The following SUGCT variants were observed in gnomAD, a reference collection of about 807,000 sequenced individuals.
SUGCT encodes succinyl-CoA:glutarate-CoA transferase.
In SUGCT, 41 loss-of-function variants were observed where a neutral mutation model predicts 55.0. The observed-to-expected ratio is 0.74, with a 90% CI of 0.58 to 0.97. SUGCT has a LOEUF of 0.97. Among genes scored for constraint, SUGCT ranks in the 50% least tolerant of loss-of-function variants. The pLI is 0.00. For synonymous variants in SUGCT, 187 were observed against 200.4 expected (o/e 0.93, Z 0.56); for missense variants, 568 against 547.8 (o/e 1.04, Z -0.37).
chr7:40,950,287 G>A, the SUGCT span, among the ~76,000 whole-genome samples: 1 of 152,130 alleles, frequency 6.6e-6, no homozygotes, highest in Admixed American at 6.6e-5. Flanking sequence ...GAATGCTTGT[G>A]ATTTTTGCAC....
chr7:40,267,034 A>C (rs1791628322), intron 7 of SUGCT, among the ~76,000 whole-genome samples: 1 of 116,400 alleles, frequency 8.6e-6, no homozygotes, highest in East Asian at 2.8e-4. Flanking sequence ...AAAAACAAAC[A>C]AACAAAAAAA....
chr7:40,409,891 A>G (rs989307800), intron 9 of SUGCT, among the ~76,000 whole-genome samples: 6 of 152,148 alleles, frequency 3.9e-5, no homozygotes, highest in Non-Finnish European at 7.3e-5. Flanking sequence ...TGATCTGTTC[A>G]TCATAGTTGA....
chr7:40,874,651 A>G, the SUGCT span, among the ~76,000 whole-genome samples: 1 of 152,156 alleles, frequency 6.6e-6, no homozygotes, highest in African/African-American at 2.4e-5. Context: ...TTCTCTGTAT[A>G]ACATATTCTC....
intron 12 of SUGCT, among the ~76,000 whole-genome samples, chr7:40,689,153 C>T (rs915620068): frequency 6.6e-6 from 1 of 152,148 alleles, no homozygotes; most frequent in East Asian, 1.9e-4. Context: ...CAAACCACTA[C>T]GTGTTCCAAT....
At chr7:40,826,920 C>T (rs1792342182) in intron 13 of SUGCT, among the ~76,000 whole-genome samples, 1 of 152,176 alleles carries the variant, frequency 6.6e-6, no homozygotes, top group Non-Finnish European at 1.5e-5. Flanking sequence ...TAACTGAGAA[C>T]TTGGCCAAGA....
chr7:40,640,714 G>A (rs1800233010), intron 12 of SUGCT, among the ~76,000 whole-genome samples: 2 of 152,156 alleles, frequency 1.3e-5, no homozygotes, highest in South Asian at 4.1e-4. Flanking sequence ...TTCTCATCAA[G>A]TAGTACCGAA....
At chr7:40,343,351 A>G (rs1177940003) in intron 9 of SUGCT, among the ~76,000 whole-genome samples, 1 of 152,188 alleles carries the variant, frequency 6.6e-6, no homozygotes, top group African/African-American at 2.4e-5. Flanking sequence ...ACCTCATAGC[A>G]TGTGCTGGCC....
Position 40,480,688 on chromosome 7 carries a change from A to G in SUGCT, c.987-15596A>G, listed in dbSNP as rs371788957. ...GTATCTTCTTTAATATTCTACATTA[A>G]TGTTGTATAATTTTTAGTGTACACG... On this transcript the variant is annotated intron_variant, in intron 11 of 13. Transcript: ENST00000335693. 1.0e-3 allele frequency among the ~76,000 whole-genome samples: 159 copies of G among 152,144 alleles called. 1 individual carries two copies. The highest frequency in any genetic ancestry group is 3.6e-3 in the African/African-American group (151 of 41,512).
intron 6 of SUGCT, among the ~76,000 whole-genome samples, chr7:40,230,411 GC>G (rs1448792774): frequency 1.3e-5 from 2 of 152,120 alleles, no homozygotes; most frequent in African/African-American, 4.8e-5. Context: ...TATCCTACAG[GC>G]AATTTCGTAA....
At chr7:40,930,975 A>G in the SUGCT span, among the ~76,000 whole-genome samples, 1 of 152,192 alleles carries the variant, frequency 6.6e-6, no homozygotes, top group Non-Finnish European at 1.5e-5. Flanking sequence ...AGGAGTGGTG[A>G]GAGAGGGCAT....
chr7:40,342,759 C>T (rs1268328836), intron 9 of SUGCT, among the ~76,000 whole-genome samples: 1 of 152,108 alleles, frequency 6.6e-6, no homozygotes, highest in Admixed American at 6.6e-5. Flanking sequence ...TATCCTGCCT[C>T]AGCCTCCCAA....
chr7:40,472,347 A>G lies in SUGCT; in HGVS notation c.986+13149A>G, dbSNP rs545227320. Among the ~76,000 whole-genome samples the G allele has an allele frequency of 3.7e-3, 557 of 152,286 alleles. 4 individuals carry two copies. Among genetic ancestry groups the G allele is most frequent in the African/African-American group, 0.013 (535 of 41,588 alleles). On this transcript the variant is annotated intron_variant, in intron 11 of 13. Coordinates refer to ENST00000335693, the MANE Select transcript of SUGCT (RefSeq NM_001193313.2). ...TTGGAATATTCTGTATTCACTAAAA[A>G]TTAAATTTGCCACAGATCTTTTTTA...
intron 7 of SUGCT, among the ~76,000 whole-genome samples, chr7:40,272,177 T>C (rs1304884088): frequency 0.013 from 804 of 61,902 alleles, 70 homozygotes; most frequent in African/African-American, 0.065. Flanking sequence ...TATATATATA[T>C]ATATATATAT....
the SUGCT span, among the ~76,000 whole-genome samples, chr7:40,931,515 A>G: frequency 6.6e-6 from 1 of 152,128 alleles, no homozygotes; most frequent in African/African-American, 2.4e-5. Context: ...TCCTCTTTGT[A>G]GTTTTGCTAG....
intron 8 of SUGCT, among the ~76,000 whole-genome samples, chr7:40,298,445 C>T (rs1435910982): frequency 6.6e-6 from 1 of 152,104 alleles, no homozygotes; most frequent in African/African-American, 2.4e-5. Flanking sequence ...TCAATTTTGT[C>T]ATCTGTATTT....
At chr7:40,550,279 A>G (rs1481971957) in intron 12 of SUGCT, among the ~76,000 whole-genome samples, 1 of 152,146 alleles carries the variant, frequency 6.6e-6, no homozygotes, top group East Asian at 1.9e-4. Context: ...CTCCTCTGCT[A>G]TTGGTTGTAT....
At chr7:40,955,036 T>C in the SUGCT span, among the ~76,000 whole-genome samples, 1 of 152,216 alleles carries the variant, frequency 6.6e-6, no homozygotes, top group Non-Finnish European at 1.5e-5. Context: ...TTTTGGTTAC[T>C]GTAGCCTTGT....
intron 12 of SUGCT, among the ~76,000 whole-genome samples, chr7:40,641,322 C>G (rs888218196): frequency 6.6e-6 from 1 of 152,106 alleles, no homozygotes; most frequent in African/African-American, 2.4e-5. Flanking sequence ...GAGACATTTT[C>G]CTTTTGGAAC....
chr7:40,651,310 T>C (rs1403275949), intron 12 of SUGCT, among the ~76,000 whole-genome samples: 1 of 152,232 alleles, frequency 6.6e-6, no homozygotes, highest in Non-Finnish European at 1.5e-5. Flanking sequence ...TTGTATTTCA[T>C]TGTGGTTTTA....
Sources: allele counts gnomAD v4.1 joint callset (sites outside exome capture counted in the v4.1 genomes callset), GRCh38; gene constraint gnomAD v4.1.1; transcripts MANE v1.5; gene names NCBI Gene and HGNC (gene_info 2026-07-23, HGNC 2026-07-21).